CDH17: variants seen among roughly 807,000 people sequenced by gnomAD.
The protein encoded by CDH17 is cadherin-17.
A neutral mutation model predicts 86.3 loss-of-function variants in CDH17; 67 were observed. The observed-to-expected ratio is 0.78, with a 90% CI of 0.64 to 0.95. The LOEUF is 0.95. Among genes scored for constraint, CDH17 ranks in the 40% least tolerant of loss-of-function variants. The probability of loss-of-function intolerance (pLI) is 0.00; values close to 1 mark genes in which losing one functional copy is unlikely to be tolerated. For missense variants in CDH17, 993 were observed against 1,017.6 expected, an observed-to-expected ratio of 0.98 and a Z score of 0.33; for synonymous variants, 367 against 366.4, an observed-to-expected ratio of 1.00 and a Z score of -0.02.
At chr8:94,179,579 GCAT>G (rs769970618) in intron 3 of CDH17, among the ~76,000 whole-genome samples, 15 of 152,214 alleles carry the variant, frequency 9.9e-5, no homozygotes, top group Non-Finnish European at 1.8e-4. Flanking sequence ...TGGAGGCTCT[GCAT>G]AAGCAGAAAG....
intron 12 of CDH17, 21 bp from the exon 13 acceptor site, chr8:94,152,133 A>C (rs201943258): frequency 3.7e-6 from 6 of 1,611,012 alleles, no homozygotes; most frequent in Non-Finnish European, 5.1e-6. Flanking sequence ...GAAAGAGAGA[A>C]AATTAATTTT....
At chr8:94,215,794 T>A (rs1386415930) in intron 1 of CDH17, among the ~76,000 whole-genome samples, 1 of 152,120 alleles carries the variant, frequency 6.6e-6, no homozygotes, top group Non-Finnish European at 1.5e-5. Flanking sequence ...GCCCTTCAGA[T>A]CATTTTGTTC....
chr8:94,159,225 G>A (rs1437078779), intron 12 of CDH17, among the ~76,000 whole-genome samples: 1 of 152,058 alleles, frequency 6.6e-6, no homozygotes, highest in African/African-American at 2.4e-5. Flanking sequence ...AGGGAGGGTT[G>A]GGAGAATCCT....
chr8:94,169,519 G>A lies in CDH17; in HGVS notation c.1066+878C>T, dbSNP rs1044470021. Among the ~76,000 whole-genome samples the A allele has an allele frequency of 1.3e-4, 20 of 152,238 alleles. No individual in the cohort carries two copies. The East Asian group carries it at 2.5e-3, about 19-fold the overall frequency. On this transcript the variant is annotated intron_variant, in intron 9 of 17. Transcript: ENST00000027335. ...TGTGTCTGGTGAGGAATGGAGGGAC[G>A]AAAAGAAAATGTGAGCCCATCCACA...
At chr8:94,183,861 C>T (rs928111771) in intron 3 of CDH17, among the ~76,000 whole-genome samples, 2 of 151,346 alleles carry the variant, frequency 1.3e-5, no homozygotes, top group African/African-American at 4.9e-5. Flanking sequence ...ATTCTTACAA[C>T]AATAAAAAGA....
chr8:94,133,733 G>T (rs1018674561), intron 15 of CDH17, among the ~76,000 whole-genome samples: 4 of 152,226 alleles, frequency 2.6e-5, no homozygotes, highest in Admixed American at 2.0e-4. Context: ...CTTGTCTTCT[G>T]CCGGTTTTCA....
intron 15 of CDH17, among the ~76,000 whole-genome samples, chr8:94,131,342 A>G (rs1812411824): frequency 6.6e-6 from 1 of 152,186 alleles, no homozygotes; most frequent in South Asian, 2.1e-4. Flanking sequence ...GTGAGCTTCT[A>G]GTCATATTTT....
intron 3 of CDH17, among the ~76,000 whole-genome samples, chr8:94,179,620 C>A (rs1432263883): frequency 6.6e-6 from 1 of 152,190 alleles, no homozygotes. Flanking sequence ...TTGTAAACTG[C>A]CTGCCACATA....
rs377266114 is a variant in CDH17, at chr8:94,215,483, TGG to T, written c.-21+1713_-21+1714del. On this transcript the variant is annotated intron_variant, in intron 1 of 17. Transcript: ENST00000450165. The stretch of plus-strand genomic sequence containing the variant: ...AGAAGATTTCGGAGTTGCCTGCAGT[TGG>T]GGGGCAGAGGGGGAATTTAGAGCTG... Among the ~76,000 whole-genome samples, 89 of 152,184 alleles carry T rather than the reference TGG, an allele frequency of 5.8e-4. 3 individuals are homozygous for T. In the South Asian group the frequency reaches 0.017, roughly 29 times the overall value.
chr8:94,172,976 T>C lies in CDH17; in HGVS notation c.783+821A>G, dbSNP rs112406857. 6.4e-3 allele frequency among the ~76,000 whole-genome samples: 969 copies of C among 152,222 alleles called. 12 individuals carry two copies. Among genetic ancestry groups the C allele is most frequent in the African/African-American group, 0.022 (899 of 41,528 alleles). ...CTCAGCCTAAGATGGGCAAGTCTATTGGGTCAAGATTTTTTCCACAATAAG... is the reference window on the plus strand; with the variant it reads ...CTCAGCCTAAGATGGGCAAGTCTATCGGGTCAAGATTTTTTCCACAATAAG... On this transcript the variant is annotated intron_variant, in intron 7 of 17. Coordinates refer to ENST00000027335, the MANE Select transcript of CDH17 (RefSeq NM_004063.4).
intron 3 of CDH17, among the ~76,000 whole-genome samples, chr8:94,182,793 G>T (rs984217330): frequency 3.3e-5 from 5 of 151,884 alleles, no homozygotes; most frequent in Non-Finnish European, 7.4e-5. Flanking sequence ...GAAATAAAAG[G>T]CATAAAGATT....
rs548242344 is a variant in CDH17, at chr8:94,128,917, C to T, written c.2399-577G>A. On this transcript the variant is annotated intron_variant, in intron 17 of 17. Coordinates refer to ENST00000027335, the MANE Select transcript of CDH17 (RefSeq NM_004063.4). The stretch of plus-strand genomic sequence containing the variant: ...CCTTCTTGGTTTCTCCCACCTGATA[C>T]ATCAAAATTACACTGTGCAGCTCAG... Among the ~76,000 whole-genome samples, 2 of 152,238 alleles carry T rather than the reference C, an allele frequency of 1.3e-5. 1 individual carries two copies. Among genetic ancestry groups the T allele is most frequent in the South Asian group, 4.2e-4 (2 of 4,818 alleles).
chr8:94,175,792 A>G (rs143747104), intron 5 of CDH17, among the ~76,000 whole-genome samples: 119 of 152,274 alleles, frequency 7.8e-4, no homozygotes, highest in African/African-American at 2.6e-3. Flanking sequence ...GACAATATCA[A>G]TGGAGGTTCC....
At chr8:94,136,715 A>G (rs1812536887) in intron 15 of CDH17, among the ~76,000 whole-genome samples, 1 of 152,226 alleles carries the variant, frequency 6.6e-6, no homozygotes, top group Non-Finnish European at 1.5e-5. Context: ...TTGGAGGAGA[A>G]GAGGCATTCT....
At chr8:94,206,166 G>A (rs1431592733) in intron 1 of CDH17, among the ~76,000 whole-genome samples, 4 of 149,080 alleles carry the variant, frequency 2.7e-5, no homozygotes, top group Admixed American at 6.7e-5. Flanking sequence ...TTGCTTAAGT[G>A]AAAAAAAAAA....
intron 15 of CDH17, among the ~76,000 whole-genome samples, chr8:94,141,018 A>C (rs748149013): frequency 6.6e-6 from 1 of 152,162 alleles, no homozygotes; most frequent in Non-Finnish European, 1.5e-5. Context: ...CTCATTATAC[A>C]AGGCAAAATA....
At chr8:94,144,952 G>C (rs944205169) in intron 15 of CDH17, among the ~76,000 whole-genome samples, 1 of 152,162 alleles carries the variant, frequency 6.6e-6, no homozygotes, top group Non-Finnish European at 1.5e-5. Context: ...AAACCATTAT[G>C]AGATACTACT....
Position 94,146,015 on chromosome 8 carries a change from C to G in CDH17, c.2080G>C (p.Asp694His), listed in dbSNP as rs1812735201. 1 of 1,613,750 alleles carries G rather than the reference C, an allele frequency of 6.2e-7. No individual in the cohort carries two copies. The highest frequency in any genetic ancestry group is 1.3e-5 in the African/African-American group (1 of 74,892). Residue 694 changes from aspartate (D) to histidine (H), a missense_variant, in exon 15 of 18, where the codon GAT becomes CAT. Coordinates refer to ENST00000027335, the MANE Select transcript of CDH17 (RefSeq NM_004063.4). Reference sequence around the variant, plus strand: ...TGGGGACCCCGAAATAAGTGCTGATCATCATCAGTAGCCTCGAAAATGAGA... The same window carrying G: ...TGGGGACCCCGAAATAAGTGCTGATGATCATCAGTAGCCTCGAAAATGAGA... ...GSLIFEATDD[D>H]QHLFRGPHFT... is the part of the protein sequence containing the mutation.
chr8:94,133,093 G>A (rs1320447589), intron 15 of CDH17, among the ~76,000 whole-genome samples: 1 of 152,140 alleles, frequency 6.6e-6, no homozygotes, highest in Admixed American at 6.6e-5. Context: ...TTTGAAGTCA[G>A]GTAGTGTGAC....
Sources: allele counts gnomAD v4.1 joint callset (sites outside exome capture counted in the v4.1 genomes callset), GRCh38; gene constraint gnomAD v4.1.1; transcripts MANE v1.5; gene names NCBI Gene and HGNC (gene_info 2026-07-23, HGNC 2026-07-21).